PRH1: variants seen among roughly 807,000 people sequenced by gnomAD.
The protein encoded by PRH1 is proline rich protein HaeIII subfamily 1.
A neutral mutation model predicts 7.9 loss-of-function variants in PRH1; 7 were observed. The ratio of observed to expected loss-of-function variants is 0.89; its 90% CI spans 0.50 to 1.67. The LOEUF (loss-of-function observed/expected upper bound fraction) is 1.67, where lower values mean the gene tolerates loss of function less well. Ranked by LOEUF, PRH1 falls within the 40% of genes most tolerant of loss-of-function variation. PRH1 has a pLI of 0.00. For synonymous variants in PRH1, 45 were observed against 80.8 expected (o/e 0.56, Z 2.38); for missense variants, 109 against 223.6 (o/e 0.49, Z 3.27).
intron 2 of PRH1, among the ~76,000 whole-genome samples, chr12:10,946,568 A>G (rs1950490395): frequency 6.6e-6 from 1 of 151,972 alleles, no homozygotes; most frequent in African/African-American, 2.4e-5. Context: ...GGCCTATTTT[A>G]TAATTATTTT....
At chr12:10,930,197 C>G in intron 2 of PRH1, 2 of 1,537,434 alleles carry the variant, frequency 1.3e-6, no homozygotes, top group East Asian at 2.2e-5. Flanking sequence ...GGTCCTTTAT[C>G]CTCGTAGAAC....
intron 1 of PRH1, among the ~76,000 whole-genome samples, chr12:11,073,217 C>T (rs377763219): frequency 0.11 from 5,285 of 46,350 alleles, 611 homozygotes; most frequent in Non-Finnish European, 0.17. Context: ...CTGCAAACTT[C>T]GCCTCCTGGG....
intron 1 of PRH1, among the ~76,000 whole-genome samples, chr12:11,008,203 T>C (rs1011852090): frequency 1.3e-5 from 2 of 152,134 alleles, no homozygotes; most frequent in African/African-American, 4.8e-5. Flanking sequence ...AGAAAGTTTC[T>C]ACTTCAACTC....
At chr12:10,906,543 C>T (rs1949805927) in intron 2 of PRH1, among the ~76,000 whole-genome samples, 1 of 152,158 alleles carries the variant, frequency 6.6e-6, no homozygotes, top group African/African-American at 2.4e-5. Flanking sequence ...AATTGTAGCT[C>T]CCATAATTCC....
intron 1 of PRH1, among the ~76,000 whole-genome samples, chr12:11,074,366 A>G (rs1164524945): frequency 1.3e-5 from 2 of 149,838 alleles, no homozygotes; most frequent in South Asian, 2.1e-4. Flanking sequence ...AATGAGCAGG[A>G]CAGCAGTTGT....
At chr12:11,020,496 C>T (rs796085518) in intron 1 of PRH1, among the ~76,000 whole-genome samples, 623 of 21,772 alleles carry the variant, frequency 0.029, no homozygotes, top group East Asian at 0.2. Flanking sequence ...CAAGAATTAA[C>T]ACAGTCACAC....
At chr12:10,984,099 T>A (rs1255118036) in intron 1 of PRH1, among the ~76,000 whole-genome samples, 1 of 149,950 alleles carries the variant, frequency 6.7e-6, no homozygotes, top group African/African-American at 2.4e-5. Flanking sequence ...TTTTTTTTAA[T>A]GAAATGCCAT....
At chr12:11,044,268 T>G (rs184409213) in intron 1 of PRH1, among the ~76,000 whole-genome samples, 1 of 152,018 alleles carries the variant, frequency 6.6e-6, no homozygotes, top group African/African-American at 2.4e-5. Context: ...GTCCCATATA[T>G]CTATACAAAT....
chr12:10,958,536 T>C (rs1938087328), intron 2 of PRH1, among the ~76,000 whole-genome samples: 1 of 151,768 alleles, frequency 6.6e-6, no homozygotes, highest in South Asian at 2.1e-4. Context: ...AACCTGCACA[T>C]GTACCCCAGA....
At chr12:11,135,456 G>A (rs1268415718) in intron 1 of PRH1, among the ~76,000 whole-genome samples, 4 of 126,040 alleles carry the variant, frequency 3.2e-5, no homozygotes, top group South Asian at 2.3e-4. Context: ...AAACTCTAAC[G>A]ACCTCCAAGA....
intron 1 of PRH1, among the ~76,000 whole-genome samples, chr12:11,044,258 G>A (rs997521559): frequency 6.6e-6 from 1 of 152,096 alleles, no homozygotes; most frequent in Non-Finnish European, 1.5e-5. Flanking sequence ...AATGAAACTA[G>A]TCCCATATAT....
intron 1 of PRH1, among the ~76,000 whole-genome samples, chr12:11,121,393 T>C (rs191108288): frequency 1.3e-5 from 2 of 152,354 alleles, no homozygotes; most frequent in African/African-American, 2.4e-5. Flanking sequence ...GAAGGAATAT[T>C]TGAATTTTTT....
intron 1 of PRH1, among the ~76,000 whole-genome samples, chr12:11,010,541 C>T (rs4763610): frequency 0.3 from 46,240 of 151,760 alleles, 8,911 homozygotes; most frequent in East Asian, 0.74. Flanking sequence ...GATATTGTTT[C>T]ATTTTACCAC....
In PRH1 at chr12:11,093,408, C is replaced by A. The variant is rs1944990591; in HGVS notation, n.124-46220G>T. On this transcript the variant is annotated intron_variant and non_coding_transcript_variant, in intron 1 of 4. Coordinates refer to the PRH1 transcript ENST00000541977. ...ATGCACACAAATACACACGTGCACA[C>A]CACTTATGAATGGAACAAATTATTT... Among the ~76,000 whole-genome samples, 2 of 115,360 alleles carry A rather than the reference C, an allele frequency of 1.7e-5. 1 individual carries two copies. Among genetic ancestry groups the A allele is most frequent in the African/African-American group, 5.8e-5 (2 of 34,406 alleles). 75.7% of individuals were successfully genotyped at this position (115,360 alleles called of 152,430 possible).
chr12:10,916,281 ACT>A (rs10553122), intron 2 of PRH1, among the ~76,000 whole-genome samples: 74,324 of 151,688 alleles, frequency 0.49, 20,619 homozygotes, highest in East Asian at 0.72. Flanking sequence ...CATGGGAATT[ACT>A]CGGGAGCCAC....
chr12:11,021,843 C>T (rs890254573), intron 1 of PRH1: 13 of 1,614,256 alleles, frequency 8.1e-6, no homozygotes, highest in Non-Finnish European at 1.1e-5. Flanking sequence ...TGATTATACA[C>T]AGAAAGTAAA....
intron 2 of PRH1, among the ~76,000 whole-genome samples, chr12:10,909,832 A>T (rs1195914289): frequency 1.3e-5 from 2 of 152,176 alleles, no homozygotes; most frequent in African/African-American, 4.8e-5. Flanking sequence ...AAGAGTGCTC[A>T]ATTTCTTGTG....
chr12:11,083,308 G>T (rs1944553942), intron 1 of PRH1, among the ~76,000 whole-genome samples: 1 of 142,410 alleles, frequency 7.0e-6, no homozygotes, highest in Non-Finnish European at 1.6e-5. Flanking sequence ...ATAACATTAA[G>T]AAAGTGGAGG....
At chr12:11,170,831 T>C (rs1246478093) in intron 1 of PRH1, among the ~76,000 whole-genome samples, 2 of 152,264 alleles carry the variant, frequency 1.3e-5, no homozygotes, top group African/African-American at 2.4e-5. Flanking sequence ...ACTAAGATTG[T>C]GATCCTTTTT....
Sources: gnomAD v4.1 joint callset for allele counts (sites outside exome capture counted in the v4.1 genomes callset) on GRCh38, gnomAD v4.1.1 for gene constraint, MANE v1.5 for transcripts, NCBI Gene and HGNC (gene_info 2026-07-23, HGNC 2026-07-21) for gene names.